Variants in BCR observed in about 807,000 individuals in gnomAD.
BCR encodes the protein breakpoint cluster region protein.
A neutral mutation model predicts 138.6 loss-of-function variants in BCR; 58 were observed. The ratio of observed to expected loss-of-function variants is 0.42; its 90% CI spans 0.34 to 0.52. BCR has a LOEUF of 0.52. Among genes scored for constraint, BCR ranks in the 20% least tolerant of loss-of-function variants. The pLI, the probability that BCR is intolerant of heterozygous loss-of-function variation, is 0.06. For synonymous variants in BCR, 786 were observed against 730.1 expected (o/e 1.08, Z -1.23); for missense variants, 1,599 against 1,727.2 (o/e 0.93, Z 1.32).
At chr22:23,182,336 G>A in intron 1 of BCR, 97 bp downstream of exon 1, 1 of 1,362,212 alleles carries the variant, frequency 7.3e-7, no homozygotes, top group Non-Finnish European at 9.7e-7. Flanking sequence ...AGGGAGGAGT[G>A]GATAGTTTTG....
intron 1 of BCR, among the ~76,000 whole-genome samples, chr22:23,227,791 A>G (rs1239577623): frequency 1.3e-5 from 2 of 152,170 alleles, no homozygotes; most frequent in African/African-American, 4.8e-5. Flanking sequence ...TCTTGAACCT[A>G]AGAAATCTTC....
In BCR at chr22:23,303,926, GT is replaced by G. The variant is rs1193073344; in HGVS notation, c.3013-5496del. ...ATATTTCTATCACCCCAATTTCCTT[GT>G]TGCCTTTTTTTTTTTTTTTTTTTTT... is the stretch of plus-strand genomic sequence containing the variant. On this transcript the variant is annotated intron_variant, in intron 16 of 22. Coordinates refer to ENST00000305877, the MANE Select transcript of BCR (RefSeq NM_004327.4). Among the ~76,000 whole-genome samples the G allele has an allele frequency of 1.1e-4, 12 of 109,532 alleles. No homozygotes were observed. The East Asian group carries it at 3.4e-3, about 31-fold the overall frequency. The allele number at this position is 109,532 out of a possible 152,430, so 71.9% of individuals were successfully genotyped here.
rs2074081880 is a variant in BCR at position 23,317,189 on chromosome 22, ACT to A, written c.*1669_*1670del. The A allele has an allele frequency of 5.9e-6, 1 of 169,714 alleles. No individual in the cohort carries two copies. 10.5% of individuals were successfully genotyped at this position (169,714 alleles called of 1,614,324 possible). A position where few individuals can be genotyped will look rare whatever the true frequency, so the allele number is the denominator to read the frequency against. ...CTGACAGTGGGGCCATGCGCCTGAC[ACT>A]CCTCTCTGCTTGTGGACCTGGCAAG... On this transcript the variant is annotated 3_prime_UTR_variant, in exon 23 of 23. Coordinates refer to ENST00000305877, the MANE Select transcript of BCR (RefSeq NM_004327.4).
chr22:23,280,588 C>G (rs906259940), intron 8 of BCR, among the ~76,000 whole-genome samples: 1 of 152,206 alleles, frequency 6.6e-6, no homozygotes, highest in Non-Finnish European at 1.5e-5. Flanking sequence ...GTCTTTCTCA[C>G]CCCATCATGT....
At chr22:23,182,294 A>G (rs2072279969) in intron 1 of BCR, 55 bp downstream of exon 1, 3 of 1,468,998 alleles carry the variant, frequency 2.0e-6, no homozygotes, top group Non-Finnish European at 1.8e-6. Context: ...GGAAAACCAT[A>G]GACGAGTAGG....
intron 1 of BCR, among the ~76,000 whole-genome samples, chr22:23,230,237 T>G (rs2072941362): frequency 6.6e-6 from 1 of 152,150 alleles, no homozygotes; most frequent in Non-Finnish European, 1.5e-5. Flanking sequence ...TGATAGAGGT[T>G]TCATGCAGAA....
At chr22:23,285,997 G>C (rs890488042) in intron 10 of BCR, among the ~76,000 whole-genome samples, 3 of 152,216 alleles carry the variant, frequency 2.0e-5, no homozygotes, top group Admixed American at 6.5e-5. Flanking sequence ...TCAAGTGTGT[G>C]GTCTCCTGAT....
At position 23,309,472 on chromosome 22, in the gene BCR, G is replaced by A. The variant is rs753070081; in HGVS notation, c.3061G>A (p.Ala1021Thr). ...CAGAGACTGGCAGCGCACCGTCATC[G>A]CCATGAATGGGGTACGTGTCCGTGG... Reference protein sequence around the residue: ...QDRDWQRTVIAMNGIEVKLSV... With the variant: ...QDRDWQRTVITMNGIEVKLSV... Residue 1021 changes from alanine to threonine, a missense_variant, in exon 17 of 23, where the codon GCC (alanine) becomes ACC (threonine). By Grantham distance (58) the Ala-to-Thr change is moderately conservative. Transcript: ENST00000305877. 1.2e-5 allele frequency: 20 copies of A among 1,601,542 alleles called. No homozygotes were observed. In the East Asian group the frequency reaches 2.7e-4, roughly 22 times the overall value.
intron 14 of BCR, among the ~76,000 whole-genome samples, chr22:23,291,504 G>A (rs2073786689): frequency 6.6e-6 from 1 of 151,984 alleles, no homozygotes; most frequent in Admixed American, 6.6e-5. Context: ...ATAAACGCTG[G>A]TGTTTCCCTC....
chr22:23,273,242 T>A, intron 7 of BCR, 109 bp downstream of exon 7: 1 of 1,255,648 alleles, frequency 8.0e-7, no homozygotes, highest in South Asian at 1.3e-5. Flanking sequence ...GCCAAGGGGG[T>A]GCTACTGGCA....
At chr22:23,220,189 A>T (rs533223091) in intron 1 of BCR, among the ~76,000 whole-genome samples, 1 of 152,200 alleles carries the variant, frequency 6.6e-6, no homozygotes, top group Non-Finnish European at 1.5e-5. Context: ...CACCCCTTGC[A>T]TGGGGACCAA....
At chr22:23,209,334 T>G (rs1475838532) in intron 1 of BCR, among the ~76,000 whole-genome samples, 1 of 151,842 alleles carries the variant, frequency 6.6e-6, no homozygotes, top group Non-Finnish European at 1.5e-5. Flanking sequence ...CACTCCAGCT[T>G]GGGCTACAGA....
At chr22:23,191,986 G>C (rs1249853147) in intron 1 of BCR, among the ~76,000 whole-genome samples, 4 of 152,138 alleles carry the variant, frequency 2.6e-5, no homozygotes, top group South Asian at 4.1e-4. Context: ...GCTGTCTTGG[G>C]TTCTAGCTCT....
chr22:23,264,304 A>C, intron 4 of BCR: 1 of 962,448 alleles, frequency 1.0e-6, no homozygotes, highest in Non-Finnish European at 1.7e-6. Flanking sequence ...ACCACCAAGC[A>C]TCTCTATGCT....
At chr22:23,216,273 G>A (rs559079082) in intron 1 of BCR, among the ~76,000 whole-genome samples, 2 of 152,236 alleles carry the variant, frequency 1.3e-5, no homozygotes, top group South Asian at 2.1e-4. Flanking sequence ...TGAATTCTGC[G>A]CTTACATTGT....
At chr22:23,306,469 C>T (rs1175772704) in intron 16 of BCR, among the ~76,000 whole-genome samples, 2 of 152,244 alleles carry the variant, frequency 1.3e-5, no homozygotes, top group Non-Finnish European at 2.9e-5. Context: ...CAGCACAAGG[C>T]AGGCTGACCA....
chr22:23,297,454 T>A (rs1247361338), intron 16 of BCR, among the ~76,000 whole-genome samples: 3 of 152,148 alleles, frequency 2.0e-5, no homozygotes, highest in Non-Finnish European at 2.9e-5. Flanking sequence ...GATGCTTCTC[T>A]AACCTGCTCA....
rs749979874 is a variant in BCR, at chr22:23,315,401, C to T, written c.3727-32C>T. The stretch of plus-strand genomic sequence containing the variant: ...CAGCAGCTGTGAGCCCCGCTCTGAG[C>T]CACTCTTCTCTTCCCTACTCTGCCC... On this transcript the variant is annotated intron_variant, in intron 22 of 22. Coordinates refer to ENST00000305877, the MANE Select transcript of BCR (RefSeq NM_004327.4). The T allele has an allele frequency of 1.9e-6, 3 of 1,604,220 alleles. No homozygotes were observed. In the African/African-American group the frequency reaches 4.0e-5, roughly 21 times the overall value.
chr22:23,253,735 G>A (rs577194214), intron 1 of BCR, 64 bp from the exon 2 acceptor site: 2 of 1,542,938 alleles, frequency 1.3e-6, no homozygotes, highest in East Asian at 4.6e-5. Flanking sequence ...TGCTTGCTGG[G>A]ATGGGTTGAG....
Sources: allele counts gnomAD v4.1 joint callset (sites outside exome capture counted in the v4.1 genomes callset), GRCh38; gene constraint gnomAD v4.1.1; transcripts MANE v1.5; gene names NCBI Gene and HGNC (gene_info 2026-07-23, HGNC 2026-07-21).